USP42: variants seen among roughly 807,000 people sequenced by gnomAD.
The protein encoded by USP42 is ubiquitin specific peptidase 42, also known as ubiquitin carboxyl-terminal hydrolase 42.
USP42 carries 23 observed loss-of-function variants against 113.0 expected under a neutral mutation model. The observed-to-expected ratio is 0.20, with a 90% CI of 0.15 to 0.29. USP42 has a LOEUF of 0.29. USP42 is among the 10% of genes least tolerant of loss of function. The pLI is 1.00. For synonymous variants in USP42, 933 were observed against 699.0 expected (o/e 1.33, Z -5.28); for missense variants, 2,174 against 1,779.8 (o/e 1.22, Z -3.99).
At chr7:6,144,004 A>G (rs1263088969) in intron 8 of USP42, 81 bp from the exon 9 acceptor site, 1 of 845,600 alleles carries the variant, frequency 1.2e-6, no homozygotes, top group Non-Finnish European at 1.7e-6. Context: ...ATGTTTGAGA[A>G]TAGTAACAAG....
At chr7:6,104,167 C>T (rs1779116308), upstream of USP42, among the ~76,000 whole-genome samples, 2 of 151,404 alleles carry the variant, frequency 1.3e-5, 1 homozygote, top group African/African-American at 4.9e-5. Context: ...ACTGCAACCT[C>T]CGCCTCCCGG....
chr7:6,138,572 T>C (rs1781275851), intron 4 of USP42, among the ~76,000 whole-genome samples: 1 of 152,166 alleles, frequency 6.6e-6, no homozygotes, highest in South Asian at 2.1e-4. Flanking sequence ...CTGTGGACTT[T>C]TAATGGTGTA....
In USP42 at chr7:6,158,534, C is replaced by T. The variant is rs572094445; in HGVS notation, c.3944-916C>T. 4.6e-5 allele frequency among the ~76,000 whole-genome samples: 7 copies of T among 152,250 alleles called. No individual in the cohort carries two copies. The South Asian group carries it at 6.2e-4, about 14-fold the overall frequency. ...CATGCATTGTTGATTGAGGGGTAAACGGTCCTTAGAGTGTGTGAGAGAGAG... is the reference window on the plus strand; with the variant it reads ...CATGCATTGTTGATTGAGGGGTAAATGGTCCTTAGAGTGTGTGAGAGAGAG... On this transcript the variant is annotated intron_variant, in intron 16 of 17. Coordinates refer to ENST00000306177, the MANE Select transcript of USP42 (RefSeq NM_032172.3). The surrounding 1 kb of genome is among the most constrained non-coding windows in gnomAD (Gnocchi z 4.2).
chr7:6,093,514 C>T, the USP42 span, among the ~76,000 whole-genome samples: 1 of 150,884 alleles, frequency 6.6e-6, no homozygotes, highest in Non-Finnish European at 1.5e-5. Context: ...AACTCCTGAT[C>T]TCAAGCGATT....
intron 3 of USP42, among the ~76,000 whole-genome samples, chr7:6,129,423 G>T (rs1320200539): frequency 6.6e-6 from 1 of 151,692 alleles, no homozygotes; most frequent in Non-Finnish European, 1.5e-5. Context: ...CAGGCATGGT[G>T]GCGGGCGCCT....
rs1030997725 is a variant in USP42, at chr7:6,154,798, G to C, written c.3244G>C (p.Glu1082Gln). 6.5e-7 allele frequency: 1 copy of C among 1,546,868 alleles called. No individual in the cohort carries two copies. Among genetic ancestry groups the C allele is most frequent in the Admixed American group, 2.0e-5 (1 of 50,818 alleles). ...CTGGAAGCCCTTCCACGGCGGCCGC[G>C]AGCACGAGCGGGCCGGGCTGCACGA... ...RDWKPFHGGR[E>Q]HERAGLHERP... is the part of the protein sequence containing the mutation. Residue 1082 changes from glutamate to glutamine, a missense_variant, in exon 15 of 18, where the codon GAG becomes CAG. Physicochemically the swap from Glu to Gln is conservative, Grantham distance 29 (BLOSUM62 2). Coordinates refer to ENST00000306177, the MANE Select transcript of USP42 (RefSeq NM_032172.3).
intron 3 of USP42, among the ~76,000 whole-genome samples, chr7:6,121,519 G>A (rs1469966936): frequency 6.6e-6 from 1 of 151,960 alleles, no homozygotes; most frequent in Non-Finnish European, 1.5e-5. Context: ...GCATGTGTTG[G>A]GATATGTTTT....
chr7:6,145,695 C>G (rs1321505613), intron 10 of USP42, 39 bp downstream of exon 10: 1 of 1,592,516 alleles, frequency 6.3e-7, no homozygotes, highest in East Asian at 2.3e-5. Flanking sequence ...TTGTTACATA[C>G]ATGCTATAAG....
chr7:6,106,412 T>C (rs1350493812), intron 1 of USP42, among the ~76,000 whole-genome samples: 2 of 152,098 alleles, frequency 1.3e-5, no homozygotes, highest in African/African-American at 4.8e-5. Context: ...ACTCCACAAA[T>C]GAAGAAAGAA....
intron 3 of USP42, 137 bp from the exon 4 acceptor site, chr7:6,135,704 A>T (rs1421571546): frequency 2.6e-6 from 1 of 380,018 alleles, no homozygotes; most frequent in Non-Finnish European, 4.7e-6. Flanking sequence ...ATGAAAATGC[A>T]TAAAAGTAGA....
chr7:6,140,241 TAA>T, intron 6 of USP42, 46 bp downstream of exon 6: 1 of 1,532,868 alleles, frequency 6.5e-7, no homozygotes, highest in South Asian at 1.1e-5. Flanking sequence ...CACATGTGGT[TAA>T]AAAATGGTAA....
chr7:6,150,514 AAGAGTAC>A lies in USP42; in HGVS notation c.2201+10_2201+16del. ...CTCGACGGATGAAATGAGGTAACGT[AAGAGTAC>A]ATCTGAGGCACGTGTGGCAGCATAG... On this transcript the variant is annotated intron_variant, in intron 14 of 17. Transcript: ENST00000306177. 6.2e-7 allele frequency: 1 copy of A among 1,613,452 alleles called. No homozygotes were observed. The highest frequency in any genetic ancestry group is 8.5e-7 in the Non-Finnish European group (1 of 1,179,376).
the USP42 span, chr7:6,084,449 G>A: frequency 6.6e-6 from 1 of 151,194 alleles, no homozygotes; most frequent in Non-Finnish European, 1.5e-5. Context: ...TCAACCTGCC[G>A]GACACTAAAG....
At chr7:6,146,585 G>C (rs1370459508) in intron 11 of USP42, among the ~76,000 whole-genome samples, 2 of 152,050 alleles carry the variant, frequency 1.3e-5, no homozygotes, top group African/African-American at 4.8e-5. Context: ...GATTACCTGA[G>C]CCTGGGGAGG....
chr7:6,119,473 C>T lies in USP42; in HGVS notation c.442+3950C>T, dbSNP rs562122665. Reference sequence around the variant, plus strand: ...GCAGCAGAGTGAGATCTTACGTCAACCAAAATAAAAAAGTTGTTCTGGCTC... The same window carrying T: ...GCAGCAGAGTGAGATCTTACGTCAATCAAAATAAAAAAGTTGTTCTGGCTC... On this transcript the variant is annotated intron_variant, in intron 3 of 17. Transcript: ENST00000306177. 1.2e-4 allele frequency among the ~76,000 whole-genome samples: 18 copies of T among 152,164 alleles called. No homozygotes were observed. The South Asian group carries it at 1.9e-3, about 16-fold the overall frequency.
chr7:6,127,030 G>A (rs368188554), intron 3 of USP42, among the ~76,000 whole-genome samples: 1 of 152,198 alleles, frequency 6.6e-6, no homozygotes, highest in African/African-American at 2.4e-5. Flanking sequence ...TGTACTGATA[G>A]GTGTGTAGTG....
chr7:6,144,350 G>A (rs947854717), intron 9 of USP42, among the ~76,000 whole-genome samples, 154 bp downstream of exon 9: 2 of 152,176 alleles, frequency 1.3e-5, no homozygotes, highest in Non-Finnish European at 2.9e-5. Context: ...GTTGGTACCC[G>A]TGGTTGTGAG....
chr7:6,092,644 C>A, the USP42 span, among the ~76,000 whole-genome samples: 4 of 151,192 alleles, frequency 2.6e-5, no homozygotes, highest in African/African-American at 7.4e-5. Context: ...ACAAAATAGT[C>A]TCTGGAAAGT....
chr7:6,150,656 A>AT (rs1260554526), intron 14 of USP42, 150 bp downstream of exon 14: 1 of 801,874 alleles, frequency 1.2e-6, no homozygotes, highest in Non-Finnish European at 2.0e-6. Flanking sequence ...AGGATTTATT[A>AT]ACTTGCCTTT....
Sources: allele counts gnomAD v4.1 joint callset (sites outside exome capture counted in the v4.1 genomes callset), GRCh38; gene constraint gnomAD v4.1.1; non-coding constraint Gnocchi (gnomAD v3.1); transcripts MANE v1.5; gene names NCBI Gene and HGNC (gene_info 2026-07-23, HGNC 2026-07-21).